Variants in RP1L1 observed in about 807,000 individuals in gnomAD.
RP1L1 encodes retinitis pigmentosa 1-like 1 protein.
RP1L1 carries 27 observed loss-of-function variants against 15.7 expected under a neutral mutation model. That is an observed-to-expected ratio of 1.72 (90% CI 1.27 to 2.38). RP1L1 has a LOEUF of 2.38. Among genes scored for constraint, RP1L1 ranks in the 30% most tolerant of loss-of-function variants. The pLI is 0.00. For synonymous variants in RP1L1, 1,813 were observed against 1,276.7 expected, an observed-to-expected ratio of 1.42 and a Z score of -8.96; for missense variants, 4,798 against 3,075.9, an observed-to-expected ratio of 1.56 and a Z score of -13.24.
At chr8:10,640,733 G>C (rs761202758) in intron 1 of RP1L1, among the ~76,000 whole-genome samples, 1 of 151,722 alleles carries the variant, frequency 6.6e-6, no homozygotes, top group Non-Finnish European at 1.5e-5. Flanking sequence ...AGATTGTATT[G>C]TAATATTTTG....
At chr8:10,620,488 C>A (rs916014312) in intron 2 of RP1L1, among the ~76,000 whole-genome samples, 1 of 152,168 alleles carries the variant, frequency 6.6e-6, no homozygotes, top group South Asian at 2.1e-4. Context: ...TGCCTGTAAT[C>A]CCAACTACTT....
At chr8:10,616,725 A>T (rs1029390154) in intron 2 of RP1L1, 138 bp from the exon 3 acceptor site, 7 of 1,026,102 alleles carry the variant, frequency 6.8e-6, no homozygotes, top group Non-Finnish European at 9.7e-6. Context: ...TGGTCCAAGG[A>T]GGGGTCTTAT....
At chr8:10,620,535 G>C (rs1318949676) in intron 2 of RP1L1, among the ~76,000 whole-genome samples, 4 of 152,176 alleles carry the variant, frequency 2.6e-5, no homozygotes, top group African/African-American at 4.8e-5. Context: ...GAATCCAGGA[G>C]GCAGAGGTTG....
intron 1 of RP1L1, among the ~76,000 whole-genome samples, chr8:10,632,728 G>A (rs1440215074): frequency 1.3e-5 from 2 of 152,202 alleles, no homozygotes; most frequent in African/African-American, 2.4e-5. Flanking sequence ...ATGAGTAAAC[G>A]GATCAACATT....
chr8:10,606,557 C>G lies in RP1L1; in HGVS notation c.*338G>C. The G allele has an allele frequency of 3.2e-6, 1 of 315,198 alleles. No individual in the cohort carries two copies. Among genetic ancestry groups the G allele is most frequent in the Non-Finnish European group, 5.9e-6 (1 of 169,352 alleles). 19.5% of individuals were successfully genotyped at this position (315,198 alleles called of 1,614,324 possible). On this transcript the variant is annotated 3_prime_UTR_variant, in exon 4 of 4. Transcript: ENST00000382483. ...AACACTTGCTAGCAGAAAACAAACC[C>G]ACAAACAAAAGCTAAACTGGAGCCT... is the stretch of plus-strand genomic sequence containing the variant.
At chr8:10,636,924 G>A (rs1798338508) in intron 1 of RP1L1, among the ~76,000 whole-genome samples, 1 of 152,202 alleles carries the variant, frequency 6.6e-6, no homozygotes, top group Non-Finnish European at 1.5e-5. Flanking sequence ...ACAGCTCCCT[G>A]ACACAACTCC....
At chr8:10,641,930 GA>G (rs1563139560) in intron 1 of RP1L1, among the ~76,000 whole-genome samples, 1 of 152,178 alleles carries the variant, frequency 6.6e-6, no homozygotes, top group African/African-American at 2.4e-5. Context: ...CAGGGTTGAG[GA>G]GGAATGAAGC....
In RP1L1 at chr8:10,640,345, A is replaced by C. The variant is rs949327823; in HGVS notation, c.-20+14553T>G. 2.6e-5 allele frequency among the ~76,000 whole-genome samples: 4 copies of C among 152,214 alleles called. No individual in the cohort carries two copies. In the South Asian group the frequency reaches 6.2e-4, roughly 24 times the overall value. On this transcript the variant is annotated intron_variant, in intron 1 of 3. Transcript: ENST00000382483. ...AGATCAAGATTATTTTATATGCTGA[A>C]AATCATTCTAATTTTGTTTTTTAAT...
At chr8:10,624,327 C>A (rs1028259941) in intron 1 of RP1L1, among the ~76,000 whole-genome samples, 2 of 152,200 alleles carry the variant, frequency 1.3e-5, no homozygotes, top group Non-Finnish European at 2.9e-5. Context: ...GACAAACAGA[C>A]ACGCTCCTAC....
At chr8:10,631,909 C>G (rs1798259144) in intron 1 of RP1L1, among the ~76,000 whole-genome samples, 1 of 152,366 alleles carries the variant, frequency 6.6e-6, no homozygotes, top group Non-Finnish European at 1.5e-5. Context: ...GGAGTCAGGC[C>G]ATGGACGTGA....
intron 1 of RP1L1, among the ~76,000 whole-genome samples, chr8:10,650,103 T>A (rs1442291972): frequency 6.6e-6 from 1 of 152,194 alleles, no homozygotes; most frequent in Non-Finnish European, 1.5e-5. Flanking sequence ...TTGAGACTCA[T>A]CTCTTCTTGC....
At chr8:10,645,617 G>A (rs996651080) in intron 1 of RP1L1, among the ~76,000 whole-genome samples, 2 of 152,106 alleles carry the variant, frequency 1.3e-5, no homozygotes, top group African/African-American at 2.4e-5. Context: ...GCCAGGCTGC[G>A]GAATCACTGC....
chr8:10,606,972 G>A lies in RP1L1; in HGVS notation c.7126C>T (p.Gln2376Ter). The A allele has an allele frequency of 6.2e-7, 1 of 1,614,232 alleles. No homozygotes were observed. The highest frequency in any genetic ancestry group is 8.5e-7 in the Non-Finnish European group (1 of 1,180,050). Residue 2376 changes from glutamine (Q) to a stop codon, truncating the protein, a stop_gained, in exon 4 of 4, where the codon CAG becomes TAG. Coordinates refer to ENST00000382483, the MANE Select transcript of RP1L1 (RefSeq NM_178857.6). LOFTEE classifies it low-confidence loss of function (END_TRUNC). The stretch of plus-strand genomic sequence containing the variant: ...GTGGGGGCGAGACTTCCGAGTGCCT[G>A]GTCCTCTTGTAGGTCATAACCTTCA... The part of the protein sequence containing the change: ...ASEGYDLQED[Q>*]ALGSLAPTEA...
Position 10,609,473 on chromosome 8 carries a change from C to G in RP1L1, c.4625G>C (p.Arg1542Pro). 6.2e-7 allele frequency: 1 copy of G among 1,612,072 alleles called. No homozygotes were observed. The highest frequency in any genetic ancestry group is 8.5e-7 in the Non-Finnish European group (1 of 1,179,894). ...AHLASAVAEL[R>P]ARWGLQDNDL... ...ATTGTCCTGCAGGCCCCAGCGTGCT[C>G]GGAGCTCAGCCACCGCACTGGCAAG... Residue 1542 changes from arginine (R) to proline (P), a missense_variant, in exon 4 of 4, where the codon CGA (arginine) becomes CCA (proline). Physicochemically the swap from Arg to Pro is moderately radical, Grantham distance 103. Transcript: ENST00000382483.
Position 10,608,659 on chromosome 8 carries a change from G to A in RP1L1, c.5439C>T (p.Asn1813=), listed in dbSNP as rs750257858. ...CTCCTGCCGCAGCTTCACCCTGCAA[G>A]TTGTCCTCATGCCCAGAGCCTTGAC... ...TGGQGSGHED[N]LQGEAAAGGD... is the part of the protein sequence containing the mutation. The change falls in exon 4 of 4, where the codon AAC becomes AAT. Residue 1813 remains asparagine (N), a synonymous_variant. Coordinates refer to ENST00000382483, the MANE Select transcript of RP1L1 (RefSeq NM_178857.6). 9.9e-6 allele frequency: 16 copies of A among 1,614,156 alleles called. No individual in the cohort carries two copies. In the South Asian group the frequency reaches 1.3e-4, roughly 13 times the overall value.
intron 1 of RP1L1, among the ~76,000 whole-genome samples, chr8:10,653,618 TACAA>T (rs1460143037): frequency 6.6e-6 from 1 of 150,486 alleles, no homozygotes; most frequent in East Asian, 2.0e-4. Context: ...CACGCACCTG[TACAA>T]ACATACACAC....
rs764540841 is a variant in RP1L1 at position 10,610,285 on chromosome 8, G to A, written c.3813C>T (p.Thr1271=). Reference sequence around the variant, plus strand: ...TGTCTCTTTCTGCTTCATCCTCATTGGTGGCACAAGCGCAGGCTCGGGCGT... The same window carrying A: ...TGTCTCTTTCTGCTTCATCCTCATTAGTGGCACAAGCGCAGGCTCGGGCGT... The part of the protein sequence containing the change: ...FLNARACACA[T]NEDEAERDSE... Residue 1271 remains threonine (T), a synonymous_variant, in exon 4 of 4, where the codon ACC becomes ACT. Transcript: ENST00000382483. 1.2e-6 allele frequency: 2 copies of A among 1,614,132 alleles called. No homozygotes were observed. The highest frequency in any genetic ancestry group is 2.7e-5 in the African/African-American group (2 of 75,032).
intron 2 of RP1L1, among the ~76,000 whole-genome samples, chr8:10,617,229 C>A (rs950157438): frequency 1.3e-5 from 2 of 152,004 alleles, no homozygotes; most frequent in Non-Finnish European, 2.9e-5. Context: ...GAATTCCTTT[C>A]CAGGAAACTG....
At position 10,609,033 on chromosome 8, in the gene RP1L1, G is replaced by T. The variant is rs763468681; in HGVS notation, c.5065C>A (p.Leu1689Met). ...CTCTTCCTCTGCAGAATCTGCTGCA[G>T]GTCAAAGGCCTCTTTGATGGGACCT... ...TRGPIKEAFD[L>M]QQILQRKRGE... The change falls in exon 4 of 4, where the codon CTG becomes ATG. Residue 1689 changes from leucine (L) to methionine (M), a missense_variant. Transcript: ENST00000382483. The T allele has an allele frequency of 3.7e-6, 6 of 1,613,814 alleles. No individual in the cohort carries two copies. The highest frequency in any genetic ancestry group is 1.6e-4 in the Middle Eastern group (1 of 6,062).
Sources: allele counts gnomAD v4.1 joint callset (sites outside exome capture counted in the v4.1 genomes callset), GRCh38; gene constraint gnomAD v4.1.1; transcripts MANE v1.5; gene names NCBI Gene and HGNC (gene_info 2026-07-23, HGNC 2026-07-21).